POU6F2: variants seen among roughly 807,000 people sequenced by gnomAD.
POU6F2 encodes POU domain, class 6, transcription factor 2.
In POU6F2, 31 loss-of-function variants were observed where a neutral mutation model predicts 71.3. The observed-to-expected ratio is 0.43, with a 90% confidence interval of 0.33 to 0.59. The LOEUF (loss-of-function observed/expected upper bound fraction) is 0.59. Ranked by LOEUF, POU6F2 falls within the 20% of genes least tolerant of loss-of-function variation. The pLI is 0.04. For synonymous variants in POU6F2, 347 were observed against 355.7 expected (o/e 0.98, Z 0.27); for missense variants, 783 against 856.8 (o/e 0.91, Z 1.07).
intron 5 of POU6F2, among the ~76,000 whole-genome samples, chr7:39,370,444 C>T (rs890960501): frequency 1.3e-5 from 2 of 152,200 alleles, no homozygotes; most frequent in Non-Finnish European, 2.9e-5. Flanking sequence ...GGAACTTGAG[C>T]AGGGCTCTGA....
At chr7:39,280,341 G>A (rs1784539707) in intron 4 of POU6F2, among the ~76,000 whole-genome samples, 1 of 152,196 alleles carries the variant, frequency 6.6e-6, no homozygotes, top group Non-Finnish European at 1.5e-5. Flanking sequence ...CCCAAAGTGT[G>A]TGTTCAACCA....
chr7:39,103,782 G>T (rs117098560), intron 2 of POU6F2, among the ~76,000 whole-genome samples: 3,104 of 152,212 alleles, frequency 0.02, 40 homozygotes, highest in Middle Eastern at 0.037. Context: ...GCGAACCCCT[G>T]TACTGGTATG....
At chr7:39,432,807 C>T (rs757787673) in intron 6 of POU6F2, among the ~76,000 whole-genome samples, 2 of 152,074 alleles carry the variant, frequency 1.3e-5, no homozygotes, top group African/African-American at 4.8e-5. Flanking sequence ...TGGCAAAAAC[C>T]GCATGTTTAT....
intron 2 of POU6F2, among the ~76,000 whole-genome samples, chr7:39,182,365 C>T (rs1035883893): frequency 6.6e-6 from 1 of 152,202 alleles, no homozygotes; most frequent in African/African-American, 2.4e-5. Context: ...CCTGTTTTGC[C>T]TGTTTAAACA....
At chr7:39,079,176 A>G (rs1278678989) in intron 1 of POU6F2, among the ~76,000 whole-genome samples, 1 of 140,460 alleles carries the variant, frequency 7.1e-6, no homozygotes, top group Non-Finnish European at 1.5e-5. Flanking sequence ...GAGTCTCACA[A>G]TATCTTTTTT....
At chr7:39,017,613 C>T (rs1789587197) in intron 1 of POU6F2, among the ~76,000 whole-genome samples, 1 of 152,114 alleles carries the variant, frequency 6.6e-6, no homozygotes, top group Non-Finnish European at 1.5e-5. Flanking sequence ...CACCTCTCTG[C>T]CTCTCCTACC....
chr7:39,012,374 T>A (rs1584497319), intron 1 of POU6F2, among the ~76,000 whole-genome samples: 1 of 151,714 alleles, frequency 6.6e-6, no homozygotes, highest in African/African-American at 2.4e-5. Flanking sequence ...TTCAGCTCCA[T>A]CAGCTCCTTT....
At chr7:39,269,625 T>G (rs918950164) in intron 4 of POU6F2, among the ~76,000 whole-genome samples, 3 of 152,256 alleles carry the variant, frequency 2.0e-5, no homozygotes, top group Admixed American at 6.5e-5. Flanking sequence ...AGAATCTGCC[T>G]TCCCAGGTGC....
At chr7:39,044,316 T>G (rs1790248838) in intron 1 of POU6F2, among the ~76,000 whole-genome samples, 1 of 151,986 alleles carries the variant, frequency 6.6e-6, no homozygotes, top group African/African-American at 2.4e-5. Flanking sequence ...TCATGATGCT[T>G]TAAGACACAT....
chr7:39,024,580 T>C (rs1789757297), intron 1 of POU6F2, among the ~76,000 whole-genome samples: 1 of 152,140 alleles, frequency 6.6e-6, no homozygotes, highest in Non-Finnish European at 1.5e-5. Flanking sequence ...CCCTGTCTTG[T>C]GCCAGTTTTC....
At chr7:39,138,371 C>G (rs1358785315) in intron 2 of POU6F2, among the ~76,000 whole-genome samples, 1 of 152,196 alleles carries the variant, frequency 6.6e-6, no homozygotes, top group Non-Finnish European at 1.5e-5. Context: ...TGTTAGCAAC[C>G]AGGCCTCACA....
At chr7:39,199,329 G>C (rs958161589) in intron 2 of POU6F2, among the ~76,000 whole-genome samples, 3 of 152,174 alleles carry the variant, frequency 2.0e-5, no homozygotes, top group Non-Finnish European at 1.5e-5. Flanking sequence ...GGATTAAAAA[G>C]AGTATATGTG....
At chr7:39,061,502 A>G (rs1790656220) in intron 1 of POU6F2, among the ~76,000 whole-genome samples, 1 of 152,204 alleles carries the variant, frequency 6.6e-6, no homozygotes, top group South Asian at 2.1e-4. Flanking sequence ...TGAATCTTTT[A>G]CCAATTCATA....
chr7:39,152,006 C>T (rs887537476), intron 2 of POU6F2, among the ~76,000 whole-genome samples: 5 of 152,136 alleles, frequency 3.3e-5, no homozygotes, highest in Non-Finnish European at 7.4e-5. Context: ...AGAGGGCTCA[C>T]GATAGAGAAA....
chr7:39,338,387 A>C (rs777786496), intron 4 of POU6F2, among the ~76,000 whole-genome samples: 1 of 152,188 alleles, frequency 6.6e-6, no homozygotes, highest in Non-Finnish European at 1.5e-5. Flanking sequence ...TGCCATCTCT[A>C]TCTCTACGAT....
At chr7:39,075,622 G>C (rs1464924) in intron 1 of POU6F2, among the ~76,000 whole-genome samples, 1 of 151,868 alleles carries the variant, frequency 6.6e-6, no homozygotes, top group Admixed American at 6.5e-5. Context: ...CTTCTAATAC[G>C]CTGTGTGTTT....
rs867291196 is a variant in POU6F2, at chr7:39,454,723, T to G, written c.1489+3022T>G. Among the ~76,000 whole-genome samples the G allele has an allele frequency of 2.8e-4, 23 of 83,152 alleles. 1 individual carries two copies. Among genetic ancestry groups the G allele is most frequent in the African/African-American group, 9.9e-4 (23 of 23,176 alleles). The allele number at this position is 83,152 out of a possible 152,430, so 54.6% of individuals were successfully genotyped here. On this transcript the variant is annotated intron_variant, in intron 8 of 9. Transcript: ENST00000518318. ...ATATATATATATATATATATATATA[T>G]ATATAAAATAAGATATATATATATC...
chr7:39,243,546 G>T (rs1341843124), intron 4 of POU6F2, among the ~76,000 whole-genome samples: 9 of 151,946 alleles, frequency 5.9e-5, no homozygotes, highest in Admixed American at 5.9e-4. Context: ...AGCAAACAAA[G>T]AAAAAATATA....
chr7:39,279,485 G>A (rs1159127505), intron 4 of POU6F2, among the ~76,000 whole-genome samples: 2 of 152,196 alleles, frequency 1.3e-5, no homozygotes, highest in African/African-American at 4.8e-5. Flanking sequence ...TGTCATAGCA[G>A]AGTTCCACAA....
Sources: gnomAD v4.1 joint callset for allele counts (sites outside exome capture counted in the v4.1 genomes callset) on GRCh38, gnomAD v4.1.1 for gene constraint, MANE v1.5 for transcripts, NCBI Gene and HGNC (gene_info 2026-07-23, HGNC 2026-07-21) for gene names.